The following UPP2 variants were observed in gnomAD, a reference collection of about 807,000 sequenced individuals.
UPP2 encodes the protein uridine phosphorylase 2.
In UPP2, 23 loss-of-function variants were observed where a neutral mutation model predicts 26.7. The ratio of observed to expected loss-of-function variants is 0.86; its 90% CI spans 0.62 to 1.22. The LOEUF (loss-of-function observed/expected upper bound fraction) is 1.22. Ranked by LOEUF, UPP2 falls within the 50% of genes most tolerant of loss-of-function variation. The pLI is 0.00. For missense variants in UPP2, 387 were observed against 396.7 expected (o/e 0.98, Z 0.21); for synonymous variants, 127 against 141.3 (o/e 0.90, Z 0.72).
rs1683631510 is a variant in UPP2, at chr2:158,014,628, T to C, written c.62-1173T>C. On this transcript the variant is annotated intron_variant, in intron 2 of 9. Coordinates refer to the UPP2 transcript ENST00000605860. Reference sequence around the variant, plus strand: ...TTCTTCAGGACTGTGGTTAGCAAATTGCTGCTGCACAACATAAAACCAAGC... The same window carrying C: ...TTCTTCAGGACTGTGGTTAGCAAATCGCTGCTGCACAACATAAAACCAAGC... Among the ~76,000 whole-genome samples the C allele has an allele frequency of 3.9e-5, 6 of 152,348 alleles. No homozygotes were observed. In the South Asian group the frequency reaches 1.2e-3, roughly 32 times the overall value.
intron 2 of UPP2, among the ~76,000 whole-genome samples, chr2:158,108,076 A>T (rs1683232936): frequency 6.6e-6 from 1 of 152,234 alleles, no homozygotes; most frequent in Non-Finnish European, 1.5e-5. Context: ...TTCACAATTA[A>T]TGAACTAAGG....
At chr2:158,077,027 T>A (rs1682641192) in intron 3 of UPP2, among the ~76,000 whole-genome samples, 1 of 151,808 alleles carries the variant, frequency 6.6e-6, no homozygotes, top group South Asian at 2.1e-4. Flanking sequence ...ATGCCAACAG[T>A]GAACAATGTG....
At chr2:158,030,590 G>A (rs1683907442) in intron 3 of UPP2, among the ~76,000 whole-genome samples, 1 of 152,224 alleles carries the variant, frequency 6.6e-6, no homozygotes, top group Non-Finnish European at 1.5e-5. Context: ...CCAGGTGACA[G>A]GGTAGGGCAT....
At chr2:158,043,485 A>G (rs1244090370) in intron 3 of UPP2, among the ~76,000 whole-genome samples, 1 of 152,184 alleles carries the variant, frequency 6.6e-6, no homozygotes, top group Non-Finnish European at 1.5e-5. Context: ...GGCGGTCAGC[A>G]CCTTAGCCAT....
intron 3 of UPP2, among the ~76,000 whole-genome samples, chr2:158,035,975 C>G (rs965331362): frequency 6.6e-6 from 1 of 152,086 alleles, no homozygotes; most frequent in African/African-American, 2.4e-5. Flanking sequence ...AAATAGTTGG[C>G]CAAAATTTAC....
At chr2:158,042,150 A>T (rs1199189219) in intron 3 of UPP2, among the ~76,000 whole-genome samples, 1 of 152,196 alleles carries the variant, frequency 6.6e-6, no homozygotes, top group South Asian at 2.1e-4. Flanking sequence ...CAGGCATAGA[A>T]AAAAGTTCCC....
At chr2:158,121,050 A>ATATTAAGAAG (rs1683555512) in intron 4 of UPP2, among the ~76,000 whole-genome samples, 1 of 152,024 alleles carries the variant, frequency 6.6e-6, no homozygotes, top group Admixed American at 6.6e-5. Context: ...AGAAGATTAA[A>ATATTAAGAAG]TATTAAGAAG....
At chr2:158,007,451 C>A (rs928910357) in intron 2 of UPP2, among the ~76,000 whole-genome samples, 1 of 151,650 alleles carries the variant, frequency 6.6e-6, no homozygotes, top group Non-Finnish European at 1.5e-5. Flanking sequence ...ATCTTGCCCA[C>A]TTCTCAGGTG....
chr2:158,006,766 T>C (rs149905133), intron 2 of UPP2, among the ~76,000 whole-genome samples: 30 of 152,358 alleles, frequency 2.0e-4, no homozygotes, highest in African/African-American at 7.0e-4. Context: ...TGGAATGAGC[T>C]TCTCCTTCCT....
intron 3 of UPP2, among the ~76,000 whole-genome samples, chr2:158,070,177 A>G (rs1411463459): frequency 2.0e-5 from 3 of 152,104 alleles, no homozygotes; most frequent in Non-Finnish European, 2.9e-5. Context: ...GTCTCTCCCT[A>G]TAATTAACAA....
chr2:158,000,629 C>G (rs1305826994), intron 2 of UPP2, among the ~76,000 whole-genome samples: 1 of 152,210 alleles, frequency 6.6e-6, no homozygotes, highest in Non-Finnish European at 1.5e-5. Context: ...CATCATCCTT[C>G]TAGTCTTTCC....
chr2:157,995,292 T>A, intron 2 of UPP2: 1 of 1,605,646 alleles, frequency 6.2e-7, no homozygotes, highest in South Asian at 1.1e-5. Flanking sequence ...TACATTCATG[T>A]CTAAGCACAT....
chr2:158,065,325 T>C (rs944781912), intron 3 of UPP2, among the ~76,000 whole-genome samples: 2 of 152,208 alleles, frequency 1.3e-5, no homozygotes, highest in African/African-American at 4.8e-5. Context: ...TAAACCTCAG[T>C]GTGCTTCCTT....
chr2:158,023,546 G>A lies in UPP2; in HGVS notation c.147+7660G>A, dbSNP rs139285235. Among the ~76,000 whole-genome samples, 20 of 152,250 alleles carry A rather than the reference G, an allele frequency of 1.3e-4. No homozygotes were observed. The East Asian group carries it at 3.7e-3, about 28-fold the overall frequency. ...TACAGCAATAACACCTGAAGCCAGC[G>A]ACCTGTCCAAGTTCACAAAGCTGGT... On this transcript the variant is annotated intron_variant, in intron 3 of 9. Transcript: ENST00000605860.
At chr2:158,001,103 C>T (rs1683398005) in intron 2 of UPP2, among the ~76,000 whole-genome samples, 1 of 152,208 alleles carries the variant, frequency 6.6e-6, no homozygotes, top group Admixed American at 6.5e-5. Flanking sequence ...GCCTCAGTTT[C>T]CAGGTAACTG....
intron 3 of UPP2, chr2:158,065,691 T>C (rs538717242): frequency 1.7e-4 from 105 of 628,020 alleles, no homozygotes; most frequent in African/African-American, 1.3e-3. Flanking sequence ...GATAAGAGTA[T>C]GTAAAGCAAC....
At chr2:158,134,437 T>G (rs1235924320) in intron 6 of UPP2, among the ~76,000 whole-genome samples, 1 of 152,204 alleles carries the variant, frequency 6.6e-6, no homozygotes, top group Admixed American at 6.5e-5. Flanking sequence ...ATGGCATATC[T>G]CAGATTGCAA....
At chr2:158,072,071 C>T (rs1320586722) in intron 3 of UPP2, among the ~76,000 whole-genome samples, 6 of 152,108 alleles carry the variant, frequency 3.9e-5, no homozygotes, top group Non-Finnish European at 7.4e-5. Flanking sequence ...CTTTTCTGGA[C>T]CTGCCCTGGG....
chr2:158,082,435 A>G (rs1020012773), intron 3 of UPP2, among the ~76,000 whole-genome samples: 4 of 152,156 alleles, frequency 2.6e-5, no homozygotes, highest in Admixed American at 2.6e-4. Context: ...GCTTCCACTT[A>G]TGAATGAGAA....
Sources: gnomAD v4.1 joint callset for allele counts (sites outside exome capture counted in the v4.1 genomes callset) on GRCh38, gnomAD v4.1.1 for gene constraint, MANE v1.5 for transcripts, NCBI Gene and HGNC (gene_info 2026-07-23, HGNC 2026-07-21) for gene names.